Variants in COL11A1 observed in about 807,000 individuals in gnomAD.
COL11A1 encodes collagen type XI alpha 1 chain, also known as collagen alpha-1(XI) chain.
A neutral mutation model predicts 265.2 loss-of-function variants in COL11A1; 74 were observed. The observed-to-expected ratio is 0.28, with a 90% CI of 0.23 to 0.34. COL11A1 has a LOEUF of 0.34. Among genes scored for constraint, COL11A1 ranks in the 10% least tolerant of loss-of-function variants. The pLI is 1.00. For missense variants in COL11A1, 2,165 were observed against 2,263.6 expected (o/e 0.96, Z 0.88); for synonymous variants, 816 against 727.6 (o/e 1.12, Z -1.96).
In COL11A1 at chr1:102,913,656, T is replaced by G; in HGVS notation, c.4013A>C (p.Asp1338Ala). 6.2e-7 allele frequency: 1 copy of G among 1,613,484 alleles called. No homozygotes were observed. Among genetic ancestry groups the G allele is most frequent in the Non-Finnish European group, 8.5e-7 (1 of 1,179,594 alleles). Residue 1338 changes from aspartate (D) to alanine (A), a missense_variant, in exon 53 of 67, where the codon GAT becomes GCT. By Grantham distance (126) the Asp-to-Ala change is moderately radical. Coordinates refer to ENST00000370096, the MANE Select transcript of COL11A1 (RefSeq NM_001854.4). ...ACTCACCGGTTGACCAGGATCTCCA[T>G]CTTCACCCTTGTCACCACCAACACC... The part of the protein sequence containing the change: ...QDGVGGDKGE[D>A]GDPGQPGPPG...
chr1:102,914,801 C>A lies in COL11A1; in HGVS notation c.3827G>T (p.Gly1276Val). 1 of 1,598,434 alleles carries A rather than the reference C, an allele frequency of 6.3e-7. No individual in the cohort carries two copies. The highest frequency in any genetic ancestry group is 1.1e-5 in the South Asian group (1 of 89,956). ...AGCTTCCCCTTTCTCTCCTCTTTCT[C>A]CTTTGGGACCCTAAACAATGTTAAA... ...PGEAGVGGPK[G>V]ERGEKGEAGP... Residue 1276 changes from glycine to valine, a missense_variant, in exon 51 of 67, where the codon GGA becomes GTA. Transcript: ENST00000370096.
chr1:102,892,854 C>T (rs1651942239), intron 57 of COL11A1, among the ~76,000 whole-genome samples: 1 of 152,106 alleles, frequency 6.6e-6, no homozygotes, highest in Non-Finnish European at 1.5e-5. Flanking sequence ...CAAGCACATG[C>T]AGTTTTAAGT....
chr1:102,883,049 A>T (rs1650451551), intron 64 of COL11A1, 150 bp downstream of exon 64: 2 of 684,632 alleles, frequency 2.9e-6, no homozygotes, highest in Middle Eastern at 4.8e-4. Context: ...TTTGGTGCTT[A>T]TTCATGTTTA....
chr1:103,062,342 C>A (rs1434390373), intron 4 of COL11A1, among the ~76,000 whole-genome samples: 2 of 151,840 alleles, frequency 1.3e-5, no homozygotes, highest in East Asian at 1.9e-4. Flanking sequence ...GGTCACATCA[C>A]CCTAATATCA....
At chr1:103,105,686 G>T (rs1339874842) in intron 1 of COL11A1, among the ~76,000 whole-genome samples, 1 of 152,210 alleles carries the variant, frequency 6.6e-6, no homozygotes, top group African/African-American at 2.4e-5. Flanking sequence ...TTAGAAATTG[G>T]TATAAAATCT....
At chr1:103,010,260 A>C (rs1030258155) in intron 14 of COL11A1, among the ~76,000 whole-genome samples, 1 of 152,204 alleles carries the variant, frequency 6.6e-6, no homozygotes, top group African/African-American at 2.4e-5. Context: ...AATCTAGTGA[A>C]TACTTTTTTA....
At chr1:103,060,814 A>T (rs1670619171) in intron 4 of COL11A1, among the ~76,000 whole-genome samples, 2 of 152,084 alleles carry the variant, frequency 1.3e-5, no homozygotes, top group South Asian at 4.1e-4. Context: ...AATAGAAAAG[A>T]ATCAGCCAGG....
chr1:102,921,580 G>T lies in COL11A1; in HGVS notation c.3655-9C>A. ...GGAGGACCAGGTGGCCCCTGTAAGA[G>T]AGAAATATTGAGGTTTACAAAGACC... On this transcript the variant is annotated splice_polypyrimidine_tract_variant and intron_variant, in intron 47 of 66. Transcript: ENST00000370096. 6.2e-7 allele frequency: 1 copy of T among 1,609,778 alleles called. No individual in the cohort carries two copies. Among genetic ancestry groups the T allele is most frequent in the Non-Finnish European group, 8.5e-7 (1 of 1,177,536 alleles).
At chr1:102,939,366 G>A (rs908207656) in intron 43 of COL11A1, among the ~76,000 whole-genome samples, 11 of 151,960 alleles carry the variant, frequency 7.2e-5, no homozygotes, top group South Asian at 4.2e-4. Flanking sequence ...AACTGGTAAC[G>A]GAAATACACT....
chr1:102,966,730 T>C (rs1299405331), intron 37 of COL11A1, among the ~76,000 whole-genome samples: 1 of 152,148 alleles, frequency 6.6e-6, no homozygotes, highest in Non-Finnish European at 1.5e-5. Context: ...CATATATACA[T>C]GTGTGCATAT....
intron 57 of COL11A1, among the ~76,000 whole-genome samples, chr1:102,891,429 GT>G (rs533547367): frequency 8.6e-5 from 13 of 151,596 alleles, no homozygotes; most frequent in Middle Eastern, 3.4e-3. Context: ...ATAATTTAAC[GT>G]TTTTAATAGT....
rs1256647958 is a variant in COL11A1, at chr1:103,093,480, G to A, written c.107-10508C>T. Among the ~76,000 whole-genome samples the A allele has an allele frequency of 3.9e-5, 6 of 152,188 alleles. 1 individual carries two copies. The highest frequency in any genetic ancestry group is 4.1e-4 in the South Asian group (2 of 4,826). ...GGATATTTATTAGTAAGAAAGAAAA[G>A]TGAGCACCAGGATTTAAGGTAAGAA... is the stretch of plus-strand genomic sequence containing the variant. On this transcript the variant is annotated intron_variant, in intron 1 of 66. Coordinates refer to ENST00000370096, the MANE Select transcript of COL11A1 (RefSeq NM_001854.4).
rs141731989 is a variant in COL11A1 at position 103,084,064 on chromosome 1, G to A, written c.107-1092C>T. ...AGCAAACAGTGGTTTTTGGTATATT[G>A]TACTATTATTATCTTTAATTGTGAT... On this transcript the variant is annotated intron_variant, in intron 1 of 66. Transcript: ENST00000370096. Among the ~76,000 whole-genome samples the A allele has an allele frequency of 6.3e-3, 951 of 152,114 alleles. 9 individuals carry two copies. Among genetic ancestry groups the A allele is most frequent in the Admixed American group, 0.024 (368 of 15,280 alleles).
intron 38 of COL11A1, among the ~76,000 whole-genome samples, chr1:102,965,254 T>C (rs945237443): frequency 1.3e-5 from 2 of 152,238 alleles, no homozygotes; most frequent in African/African-American, 2.4e-5. Flanking sequence ...TTTACTTTCA[T>C]TTATTTTATT....
chr1:102,905,294 A>T (rs939647434), intron 54 of COL11A1, among the ~76,000 whole-genome samples: 3 of 151,334 alleles, frequency 2.0e-5, no homozygotes, highest in Non-Finnish European at 4.4e-5. Flanking sequence ...TACTGGGTGC[A>T]GCACACCAAC....
intron 57 of COL11A1, among the ~76,000 whole-genome samples, chr1:102,896,133 T>A (rs956205423): frequency 6.6e-6 from 1 of 151,704 alleles, no homozygotes; most frequent in African/African-American, 2.4e-5. Flanking sequence ...CATATCCCAA[T>A]TGAACTCACT....
In COL11A1 at chr1:102,877,736, TACAG is replaced by T; in HGVS notation, c.*279_*282del. ...TATATATTTTTCTTTTTTTGTTTTC[TACAG>T]CACCAAAGAAATTCAAATAGGAAAA... is the stretch of plus-strand genomic sequence containing the variant. On this transcript the variant is annotated 3_prime_UTR_variant, in exon 67 of 67. Transcript: ENST00000370096. The T allele has an allele frequency of 2.7e-6, 1 of 366,744 alleles. No homozygotes were observed. The highest frequency in any genetic ancestry group is 5.1e-6 in the Non-Finnish European group (1 of 196,998). 22.7% of individuals were successfully genotyped at this position (366,744 alleles called of 1,614,324 possible).
intron 37 of COL11A1, among the ~76,000 whole-genome samples, chr1:102,967,234 T>C (rs1661495911): frequency 1.4e-5 from 1 of 71,848 alleles, no homozygotes; most frequent in Non-Finnish European, 3.1e-5. Flanking sequence ...ATTCTTTTTT[T>C]TTTTTTTTTT....
chr1:102,992,581 C>A (rs1252366566), intron 28 of COL11A1, among the ~76,000 whole-genome samples: 2 of 151,818 alleles, frequency 1.3e-5, no homozygotes, highest in East Asian at 3.9e-4. Flanking sequence ...GGGCTTAATC[C>A]TTCACAGAGT....
Sources: allele counts gnomAD v4.1 joint callset (sites outside exome capture counted in the v4.1 genomes callset), GRCh38; gene constraint gnomAD v4.1.1; transcripts MANE v1.5; gene names NCBI Gene and HGNC (gene_info 2026-07-23, HGNC 2026-07-21).